Variants in LSAMP observed in about 807,000 individuals in gnomAD.
LSAMP encodes the protein limbic system-associated membrane protein.
A neutral mutation model predicts 38.6 loss-of-function variants in LSAMP; 7 were observed. The observed-to-expected ratio is 0.18, with a 90% CI of 0.10 to 0.34. The LOEUF is 0.34. LSAMP is among the 10% of genes least tolerant of loss of function. The pLI is 1.00. For missense variants in LSAMP, 313 were observed against 420.0 expected, an observed-to-expected ratio of 0.75 and a Z score of 2.23; for synonymous variants, 154 against 166.8, an observed-to-expected ratio of 0.92 and a Z score of 0.59.
intron 1 of LSAMP, among the ~76,000 whole-genome samples, chr3:116,165,184 G>C (rs1245867564): frequency 1.4e-5 from 2 of 143,102 alleles, no homozygotes; most frequent in African/African-American, 4.9e-5. Flanking sequence ...CCCTTTGCCT[G>C]TGGGCAGGAG....
intron 1 of LSAMP, among the ~76,000 whole-genome samples, chr3:116,190,802 G>A (rs1710737686): frequency 6.6e-6 from 1 of 152,112 alleles, no homozygotes; most frequent in Non-Finnish European, 1.5e-5. Flanking sequence ...TAAGTCAGAT[G>A]CCCTCCCATC....
At chr3:115,853,016 G>A (rs1007657115) in intron 3 of LSAMP, among the ~76,000 whole-genome samples, 2 of 152,150 alleles carry the variant, frequency 1.3e-5, no homozygotes, top group Non-Finnish European at 2.9e-5. Flanking sequence ...GCACTCACTC[G>A]TCGCTGGTTA....
intron 1 of LSAMP, among the ~76,000 whole-genome samples, chr3:116,206,448 C>T (rs1327330891): frequency 9.3e-4 from 135 of 145,684 alleles, no homozygotes; most frequent in Non-Finnish European, 1.5e-3. Context: ...TCTGCTAGCT[C>T]TTGAATGTGT....
At chr3:116,416,350 A>G (rs1464918433) in intron 1 of LSAMP, among the ~76,000 whole-genome samples, 1 of 152,170 alleles carries the variant, frequency 6.6e-6, no homozygotes, top group Non-Finnish European at 1.5e-5. Flanking sequence ...AATGTTAAAT[A>G]CAGAATCTTA....
rs565600445 is a variant in LSAMP, at chr3:116,080,514, T to C, written c.388+5810A>G. On this transcript the variant is annotated intron_variant, in intron 2 of 6. Coordinates refer to ENST00000490035, the MANE Select transcript of LSAMP (RefSeq NM_002338.5). The stretch of plus-strand genomic sequence containing the variant: ...AGTAATTAATTATGCTTGGATGGGA[T>C]TGGTTTAGATAAAACTTGAAATCCT... Among the ~76,000 whole-genome samples the C allele has an allele frequency of 3.9e-5, 6 of 152,346 alleles. No individual in the cohort carries two copies. In the East Asian group the frequency reaches 5.8e-4, roughly 15 times the overall value.
chr3:116,019,715 G>A lies in LSAMP; in HGVS notation c.389-75C>T, dbSNP rs986693133. 6 of 1,495,696 alleles carry A rather than the reference G, an allele frequency of 4.0e-6. No individual in the cohort carries two copies. In the African/African-American group the frequency reaches 8.3e-5, roughly 21 times the overall value. 92.7% of individuals were successfully genotyped at this position (1,495,696 alleles called of 1,614,324 possible). ...GCTTGTAGCCATACAACTGGAAGTG[G>A]CAAATTCAAGGTTTTATAACTTAAT... is the stretch of plus-strand genomic sequence containing the variant. On this transcript the variant is annotated intron_variant, in intron 2 of 6. Coordinates refer to ENST00000490035, the MANE Select transcript of LSAMP (RefSeq NM_002338.5).
chr3:116,212,001 G>A (rs1446914252), intron 1 of LSAMP, among the ~76,000 whole-genome samples: 7 of 152,152 alleles, frequency 4.6e-5, no homozygotes, highest in Non-Finnish European at 2.9e-5. Flanking sequence ...AGAAGAGAGA[G>A]GTCAGGTTAC....
At chr3:116,321,618 G>A (rs1271300918) in intron 1 of LSAMP, among the ~76,000 whole-genome samples, 2 of 152,136 alleles carry the variant, frequency 1.3e-5, no homozygotes, top group South Asian at 2.1e-4. Context: ...TAGCTAGCAA[G>A]TGATGAAACC....
chr3:116,415,269 T>TGA (rs377213110), intron 1 of LSAMP, among the ~76,000 whole-genome samples: 11,226 of 151,954 alleles, frequency 0.074, 435 homozygotes, highest in African/African-American at 0.096. Flanking sequence ...TGGCTTGAGC[T>TGA]CATATGACAT....
At chr3:116,296,641 G>T (rs1281826736) in intron 1 of LSAMP, among the ~76,000 whole-genome samples, 1 of 136,906 alleles carries the variant, frequency 7.3e-6, no homozygotes, top group Non-Finnish European at 1.5e-5. Flanking sequence ...CTTGCAGTGA[G>T]CCCAGATTGC....
chr3:116,045,540 G>GGAAA (rs1941270994), intron 2 of LSAMP, among the ~76,000 whole-genome samples: 1 of 84,050 alleles, frequency 1.2e-5, no homozygotes, highest in African/African-American at 4.9e-5. Flanking sequence ...GGTGGAGGTG[G>GGAAA]TAAAAAAAAA....
intron 2 of LSAMP, among the ~76,000 whole-genome samples, chr3:116,020,569 C>T (rs1335636595): frequency 6.6e-6 from 1 of 152,124 alleles, no homozygotes; most frequent in African/African-American, 2.4e-5. Flanking sequence ...CCCAGGCTAC[C>T]AGATGGCTGA....
rs140624500 is a variant in LSAMP, at chr3:116,379,925, T to C, written c.155+64952A>G. 4.3e-3 allele frequency among the ~76,000 whole-genome samples: 654 copies of C among 152,216 alleles called. 6 individuals are homozygous for C. Among genetic ancestry groups the C allele is most frequent in the African/African-American group, 0.015 (621 of 41,552 alleles). On this transcript the variant is annotated intron_variant, in intron 1 of 6. Transcript: ENST00000490035. Reference sequence around the variant, plus strand: ...ACTCAGATCGCTTCTGTGTTTGGAATCTCTGATTTGGCAAACTATCTATAA... The same window carrying C: ...ACTCAGATCGCTTCTGTGTTTGGAACCTCTGATTTGGCAAACTATCTATAA...
At chr3:116,226,798 C>T (rs1327105200) in intron 1 of LSAMP, among the ~76,000 whole-genome samples, 1 of 152,212 alleles carries the variant, frequency 6.6e-6, no homozygotes, top group Non-Finnish European at 1.5e-5. Flanking sequence ...GGAAGTCTAC[C>T]TCTTCCAACC....
intron 2 of LSAMP, among the ~76,000 whole-genome samples, chr3:116,037,623 A>T (rs752375912): frequency 6.6e-6 from 1 of 152,088 alleles, no homozygotes; most frequent in Non-Finnish European, 1.5e-5. Context: ...TGCTTAGAAT[A>T]TTTTCTTTTA....
chr3:115,915,647 T>G (rs1225663538), intron 3 of LSAMP, among the ~76,000 whole-genome samples: 1 of 152,116 alleles, frequency 6.6e-6, no homozygotes, highest in Admixed American at 6.5e-5. Context: ...TATCCTTTTT[T>G]TTTTTTGACA....
chr3:116,252,581 A>C (rs1281515067), intron 1 of LSAMP, among the ~76,000 whole-genome samples: 1 of 152,022 alleles, frequency 6.6e-6, no homozygotes, highest in African/African-American at 2.4e-5. Flanking sequence ...TCATTTGGAA[A>C]ATCTCTAGAG....
chr3:115,898,814 T>C (rs535267778), intron 3 of LSAMP, among the ~76,000 whole-genome samples: 150 of 152,132 alleles, frequency 9.9e-4, no homozygotes, highest in African/African-American at 3.5e-3. Context: ...TCTCCAGTGG[T>C]GACCACCCAC....
At chr3:116,234,544 CTT>C (rs762510638) in intron 1 of LSAMP, among the ~76,000 whole-genome samples, 19 of 151,920 alleles carry the variant, frequency 1.3e-4, no homozygotes, top group Non-Finnish European at 1.8e-4. Flanking sequence ...GAAAATTACT[CTT>C]GTTTAAAATT....
Sources: gnomAD v4.1 joint callset for allele counts (sites outside exome capture counted in the v4.1 genomes callset) on GRCh38, gnomAD v4.1.1 for gene constraint, MANE v1.5 for transcripts, NCBI Gene and HGNC (gene_info 2026-07-23, HGNC 2026-07-21) for gene names.